Variants in MGAT4C observed in about 807,000 individuals in gnomAD.
MGAT4C encodes MGAT4 family member C.
MGAT4C carries 19 observed loss-of-function variants against 40.1 expected under a neutral mutation model. The observed-to-expected ratio is 0.47, with a 90% CI of 0.33 to 0.70. MGAT4C has a LOEUF of 0.70. Among genes scored for constraint, MGAT4C ranks in the 30% least tolerant of loss-of-function variants. The probability of loss-of-function intolerance (pLI) is 0.02; values close to 1 mark genes in which losing one functional copy is unlikely to be tolerated. For missense variants in MGAT4C, 491 were observed against 563.2 expected (o/e 0.87, Z 1.30); for synonymous variants, 181 against 187.1 (o/e 0.97, Z 0.27).
At chr12:86,120,870 T>A (rs1345614890) in intron 1 of MGAT4C, among the ~76,000 whole-genome samples, 2 of 152,116 alleles carry the variant, frequency 1.3e-5, no homozygotes, top group African/African-American at 4.8e-5. Flanking sequence ...TTGCCAGCAA[T>A]GGAACAAAGC....
rs538367465 is a variant in MGAT4C, at chr12:86,822,016, A to G, written c.-262+16650T>C. ...TAACTGAAATATGTTTAAAGACACA[A>G]TACGACTAGGTATAAATTATGACAA... On this transcript the variant is annotated intron_variant, in intron 1 of 7. Coordinates refer to the MGAT4C transcript ENST00000548651. Among the ~76,000 whole-genome samples the G allele has an allele frequency of 5.3e-5, 8 of 151,166 alleles. No homozygotes were observed. The South Asian group carries it at 1.5e-3, about 27-fold the overall frequency.
At chr12:86,148,464 G>C (rs1209837771) in intron 1 of MGAT4C, among the ~76,000 whole-genome samples, 1 of 152,220 alleles carries the variant, frequency 6.6e-6, no homozygotes, top group East Asian at 1.9e-4. Context: ...GAAGGGTATA[G>C]AGCTAATTGA....
intron 1 of MGAT4C, among the ~76,000 whole-genome samples, chr12:86,080,058 C>G (rs1318913232): frequency 6.6e-6 from 1 of 152,070 alleles, no homozygotes; most frequent in East Asian, 1.9e-4. Context: ...TTCTGTTACG[C>G]TAGAGGGCCA....
chr12:86,169,871 G>A (rs1187860461), intron 1 of MGAT4C, among the ~76,000 whole-genome samples: 3 of 152,180 alleles, frequency 2.0e-5, no homozygotes. Flanking sequence ...TTTATGGAAT[G>A]AAAAGTATAT....
chr12:86,125,066 A>C (rs1260027799), intron 1 of MGAT4C, among the ~76,000 whole-genome samples: 1 of 152,208 alleles, frequency 6.6e-6, no homozygotes, highest in Non-Finnish European at 1.5e-5. Flanking sequence ...TGCTCTTATC[A>C]GGAAAGTTGG....
chr12:86,559,769 A>G lies in MGAT4C; in HGVS notation c.-228-124504T>C, dbSNP rs548486770. On this transcript the variant is annotated intron_variant, in intron 2 of 7. Transcript: ENST00000548651. The stretch of plus-strand genomic sequence containing the variant: ...GAAAAGCAAGAACAAAACAAAACCA[A>G]AATTGTTAGAAGGAAAGATTTAAAA... 3.9e-5 allele frequency among the ~76,000 whole-genome samples: 6 copies of G among 152,126 alleles called. No individual in the cohort carries two copies. The South Asian group carries it at 1.2e-3, about 32-fold the overall frequency.
intron 2 of MGAT4C, among the ~76,000 whole-genome samples, chr12:86,724,208 G>A (rs1170997936): frequency 1.3e-5 from 2 of 151,924 alleles, no homozygotes; most frequent in African/African-American, 4.8e-5. Flanking sequence ...ATAGTTTATG[G>A]CAAATGAGCA....
Position 86,102,732 on chromosome 12 carries a change from C to T in MGAT4C, c.-56-53009G>A, listed in dbSNP as rs867611459. Among the ~76,000 whole-genome samples, 10 of 152,214 alleles carry T rather than the reference C, an allele frequency of 6.6e-5. No individual in the cohort carries two copies. In the East Asian group the frequency reaches 1.7e-3, roughly 26 times the overall value. On this transcript the variant is annotated intron_variant, in intron 1 of 4. Coordinates refer to ENST00000611864, the MANE Select transcript of MGAT4C (RefSeq NM_001351288.2). ...AATATAATTATTCTTAGTAGTCTTA[C>T]CCAACACTAATCAATCTTTACAAAA... is the stretch of plus-strand genomic sequence containing the variant.
At position 86,446,682 on chromosome 12, in the gene MGAT4C, T is replaced by TATATATAC. The variant is rs1555190163; in HGVS notation, c.-228-11418_-228-11417insGTATATAT. Among the ~76,000 whole-genome samples, 27 of 113,450 alleles carry TATATATAC rather than the reference T, an allele frequency of 2.4e-4. 1 individual carries two copies. Among genetic ancestry groups the TATATATAC allele is most frequent in the South Asian group, 8.4e-4 (3 of 3,582 alleles). 74.4% of individuals were successfully genotyped at this position (113,450 alleles called of 152,430 possible). ...TCATATATATATATATATATATATATATATATATATATATATATATATGGA... is the reference window on the plus strand; with the variant it reads ...TCATATATATATATATATATATATATATATATACATATATATATATATATATATATGGA... On this transcript the variant is annotated intron_variant, in intron 2 of 7. Transcript: ENST00000548651.
intron 1 of MGAT4C, among the ~76,000 whole-genome samples, chr12:86,813,126 G>A (rs1391444403): frequency 6.6e-6 from 1 of 151,906 alleles, no homozygotes; most frequent in Non-Finnish European, 1.5e-5. Flanking sequence ...CTTGCCTCTT[G>A]AGTAGTTTAT....
chr12:86,781,233 A>G (rs1951834836), intron 1 of MGAT4C, among the ~76,000 whole-genome samples: 1 of 152,054 alleles, frequency 6.6e-6, no homozygotes, highest in African/African-American at 2.4e-5. Context: ...AGAACTCTTC[A>G]TACTCTTTTC....
At chr12:86,416,876 C>A (rs1030081418) in intron 3 of MGAT4C, among the ~76,000 whole-genome samples, 18 of 152,072 alleles carry the variant, frequency 1.2e-4, no homozygotes, top group African/African-American at 4.3e-4. Context: ...AAGATGATAT[C>A]ATTGGACTGG....
chr12:86,616,640 A>G (rs1962458653), intron 2 of MGAT4C, among the ~76,000 whole-genome samples: 1 of 151,928 alleles, frequency 6.6e-6, no homozygotes, highest in South Asian at 2.1e-4. Context: ...CATGCTACTC[A>G]TTTATTTCTG....
At chr12:86,705,689 G>A (rs1029641701) in intron 2 of MGAT4C, among the ~76,000 whole-genome samples, 2 of 152,092 alleles carry the variant, frequency 1.3e-5, no homozygotes, top group Non-Finnish European at 2.9e-5. Context: ...CTCTAGGAAA[G>A]AAAATTTAGC....
At chr12:86,514,002 G>A (rs567400586) in intron 2 of MGAT4C, among the ~76,000 whole-genome samples, 3 of 150,224 alleles carry the variant, frequency 2.0e-5, no homozygotes, top group African/African-American at 7.3e-5. Flanking sequence ...TGACAAGCAG[G>A]AAGTGCAAGC....
At position 86,797,952 on chromosome 12, in the gene MGAT4C, T is replaced by G. The variant is rs983093422; in HGVS notation, c.-262+40714A>C. On this transcript the variant is annotated intron_variant, in intron 1 of 7. Coordinates refer to the MGAT4C transcript ENST00000548651. Reference sequence around the variant, plus strand: ...TACTCCTGAGTTGATTTCCTAATCTTTATGTTTATAATCATGTCATTAACT... The same window carrying G: ...TACTCCTGAGTTGATTTCCTAATCTGTATGTTTATAATCATGTCATTAACT... 2.0e-5 allele frequency among the ~76,000 whole-genome samples: 3 copies of G among 152,034 alleles called. No homozygotes were observed. The East Asian group carries it at 5.8e-4, about 29-fold the overall frequency.
At chr12:86,012,116 G>A (rs1385781193) in intron 2 of MGAT4C, among the ~76,000 whole-genome samples, 1 of 152,140 alleles carries the variant, frequency 6.6e-6, no homozygotes, top group Admixed American at 6.5e-5. Flanking sequence ...CATGATTTGA[G>A]TGAACTATTT....
At chr12:86,222,154 A>G (rs978433392) in intron 1 of MGAT4C, among the ~76,000 whole-genome samples, 8 of 152,182 alleles carry the variant, frequency 5.3e-5, no homozygotes, top group African/African-American at 1.9e-4. Context: ...AAAGAAAAGT[A>G]TGAGGTCAAA....
At chr12:86,115,925 A>G (rs562328280) in intron 1 of MGAT4C, among the ~76,000 whole-genome samples, 136 of 152,154 alleles carry the variant, frequency 8.9e-4, no homozygotes, top group African/African-American at 3.3e-3. Flanking sequence ...TAAACTTTCT[A>G]TCTCCAAAAG....
Sources: allele counts gnomAD v4.1 joint callset (sites outside exome capture counted in the v4.1 genomes callset), GRCh38; gene constraint gnomAD v4.1.1; transcripts MANE v1.5; gene names NCBI Gene and HGNC (gene_info 2026-07-23, HGNC 2026-07-21).